The following CDS2 variants were observed in gnomAD, a reference collection of about 807,000 sequenced individuals.
CDS2 encodes the protein phosphatidate cytidylyltransferase 2.
CDS2 carries 47 observed loss-of-function variants against 59.0 expected under a neutral mutation model. The observed-to-expected ratio is 0.80, with a 90% CI of 0.63 to 1.02. The LOEUF is 1.02. Among genes scored for constraint, CDS2 ranks in the 50% least tolerant of loss-of-function variants. CDS2 has a pLI of 0.00. For synonymous variants in CDS2, 207 were observed against 206.4 expected, an observed-to-expected ratio of 1.00 and a Z score of -0.02; for missense variants, 356 against 558.9, an observed-to-expected ratio of 0.64 and a Z score of 3.66.
intron 1 of CDS2, among the ~76,000 whole-genome samples, chr20:5,160,651 A>G (rs190848443): frequency 6.6e-6 from 1 of 152,218 alleles, no homozygotes; most frequent in South Asian, 2.1e-4. Flanking sequence ...CACCAGAACA[A>G]ACATTCCAGA....
chr20:5,132,134 G>A (rs2090612669), intron 1 of CDS2, among the ~76,000 whole-genome samples: 1 of 150,034 alleles, frequency 6.7e-6, no homozygotes, highest in Non-Finnish European at 1.5e-5. Context: ...GTCTCGCTGT[G>A]CCACCCAGGC....
intron 5 of CDS2, among the ~76,000 whole-genome samples, chr20:5,179,960 CT>C (rs1274719349): frequency 3.3e-5 from 5 of 152,284 alleles, no homozygotes; most frequent in African/African-American, 1.2e-4. Flanking sequence ...GATAGCAATA[CT>C]TCTGTGAATG....
chr20:5,141,557 A>G (rs1350352329), intron 1 of CDS2, among the ~76,000 whole-genome samples: 1 of 152,070 alleles, frequency 6.6e-6, no homozygotes, highest in Non-Finnish European at 1.5e-5. Flanking sequence ...ATATCTCTTC[A>G]TCTGGCTGTA....
At chr20:5,189,470 G>T (rs114623022) in intron 11 of CDS2, among the ~76,000 whole-genome samples, 2 of 152,152 alleles carry the variant, frequency 1.3e-5, no homozygotes, top group South Asian at 4.1e-4. Context: ...AGGCCAAGGC[G>T]GGAGGATCAC....
chr20:5,188,107 A>G (rs960737545), intron 10 of CDS2, among the ~76,000 whole-genome samples: 1 of 151,958 alleles, frequency 6.6e-6, no homozygotes, highest in Non-Finnish European at 1.5e-5. Context: ...AAACACAAAC[A>G]TATTTGACAC....
At chr20:5,150,117 T>C (rs2090777038) in intron 1 of CDS2, among the ~76,000 whole-genome samples, 1 of 152,220 alleles carries the variant, frequency 6.6e-6, no homozygotes, top group Non-Finnish European at 1.5e-5. Context: ...TGGTATTTTC[T>C]TAAAGGATCT....
At chr20:5,164,046 TC>T (rs1873021565) in intron 1 of CDS2, among the ~76,000 whole-genome samples, 1 of 152,138 alleles carries the variant, frequency 6.6e-6, no homozygotes, top group South Asian at 2.1e-4. Flanking sequence ...CACCTTGGCC[TC>T]CTGAAGTGCT....
At chr20:5,132,610 A>T in intron 1 of CDS2, among the ~76,000 whole-genome samples, 1 of 152,136 alleles carries the variant, frequency 6.6e-6, no homozygotes, top group Non-Finnish European at 1.5e-5. Flanking sequence ...TTTCAAGAAA[A>T]TTTTTTTATG....
chr20:5,179,483 C>A (rs1427414517), intron 5 of CDS2, among the ~76,000 whole-genome samples: 1 of 152,204 alleles, frequency 6.6e-6, no homozygotes, highest in Admixed American at 6.5e-5. Context: ...GTGCCACCTG[C>A]CCCTGTGTTT....
chr20:5,135,430 G>T (rs80204602), intron 1 of CDS2, among the ~76,000 whole-genome samples: 10 of 151,484 alleles, frequency 6.6e-5, no homozygotes, highest in African/African-American at 2.2e-4. Context: ...AGGCTGTTGG[G>T]GGTGAAAAAG....
At chr20:5,152,210 T>C (rs1311084217) in intron 1 of CDS2, among the ~76,000 whole-genome samples, 1 of 152,146 alleles carries the variant, frequency 6.6e-6, no homozygotes, top group Non-Finnish European at 1.5e-5. Context: ...ATAAACTAAC[T>C]AGGAGTAGGG....
chr20:5,190,290 G>A lies in CDS2; in HGVS notation c.*56G>A, dbSNP rs2091104105. On this transcript the variant is annotated 3_prime_UTR_variant, in exon 13 of 13. Transcript: ENST00000460006. Reference sequence around the variant, plus strand: ...GAACTGAGCAGGGGCAGGTCTCCAAGGCAAGCCCAGCTGGTGTGACTTAGA... The same window carrying A: ...GAACTGAGCAGGGGCAGGTCTCCAAAGCAAGCCCAGCTGGTGTGACTTAGA... 6.5e-7 allele frequency: 1 copy of A among 1,540,996 alleles called. No homozygotes were observed. The highest frequency in any genetic ancestry group is 1.4e-5 in the African/African-American group (1 of 73,256).
rs1387595249 is a variant in CDS2 at position 5,190,753 on chromosome 20, A to AC, written c.*521dup. On this transcript the variant is annotated 3_prime_UTR_variant, in exon 13 of 13. Transcript: ENST00000460006. ...AGGTCGGAGGAATGGAGGCTTACTA[A>AC]CCAGGTAAGCCTTCTATGCATCCAC... is the stretch of plus-strand genomic sequence containing the variant. 1.3e-5 allele frequency: 2 copies of AC among 152,200 alleles called. No homozygotes were observed. Among genetic ancestry groups the AC allele is most frequent in the African/African-American group, 4.8e-5 (2 of 41,436 alleles). 9.4% of individuals were successfully genotyped at this position (152,200 alleles called of 1,614,324 possible).
Position 5,182,459 on chromosome 20 carries a change from A to C in CDS2, c.588+14A>C, listed in dbSNP as rs765874313. ...CAGTTCTACATGGTAAAGGAAATGCATGCGTGTGTGTCAGAATTCTTGATT... is the reference window on the plus strand; with the variant it reads ...CAGTTCTACATGGTAAAGGAAATGCCTGCGTGTGTGTCAGAATTCTTGATT... On this transcript the variant is annotated intron_variant, in intron 6 of 12. Coordinates refer to ENST00000460006, the MANE Select transcript of CDS2 (RefSeq NM_003818.4). 6.2e-7 allele frequency: 1 copy of C among 1,607,338 alleles called. No individual in the cohort carries two copies. Among genetic ancestry groups the C allele is most frequent in the East Asian group, 2.2e-5 (1 of 44,608 alleles).
chr20:5,197,020 C>T lies in CDS2; in HGVS notation c.*6786C>T, dbSNP rs1160880747. On this transcript the variant is annotated 3_prime_UTR_variant, in exon 13 of 13. Transcript: ENST00000460006. ...GAGGGCAGACTCTAACAGATGCCAG[C>T]TGAACGCTCGCTGGCCCTGGATGTC... The T allele has an allele frequency of 2.0e-5, 3 of 152,276 alleles. No individual in the cohort carries two copies. Among genetic ancestry groups the T allele is most frequent in the Admixed American group, 1.3e-4 (2 of 15,280 alleles). The allele number at this position is 152,276 out of a possible 1,614,324, so 9.4% of individuals were successfully genotyped here.
chr20:5,189,258 C>T (rs183609587), intron 11 of CDS2, 72 bp downstream of exon 11: 1 of 1,576,882 alleles, frequency 6.3e-7, no homozygotes, highest in Non-Finnish European at 8.7e-7. Context: ...CCCTTCCCTG[C>T]CCCCTCCAAA....
intron 1 of CDS2, among the ~76,000 whole-genome samples, chr20:5,167,250 CT>C (rs2090919808): frequency 6.6e-6 from 1 of 152,214 alleles, no homozygotes; most frequent in Non-Finnish European, 1.5e-5. Context: ...TGTCCTTTCT[CT>C]GAGTGCAGTT....
rs374365728 is a variant in CDS2 at position 5,163,995 on chromosome 20, C to T, written c.58-9528C>T. Among the ~76,000 whole-genome samples the T allele has an allele frequency of 2.4e-4, 36 of 151,534 alleles. No individual in the cohort carries two copies. The South Asian group carries it at 4.6e-3, about 19-fold the overall frequency. On this transcript the variant is annotated intron_variant, in intron 1 of 12. Transcript: ENST00000460006. The stretch of plus-strand genomic sequence containing the variant: ...TAGTAGAGACGGAGTTTCACCATGT[C>T]GGCCAGGCTGGTCTTGAACTCCTGA...
In CDS2 at chr20:5,127,067, G is replaced by A. The variant is rs1232493713; in HGVS notation, c.-26G>A. On this transcript the variant is annotated 5_prime_UTR_variant, in exon 1 of 13. Transcript: ENST00000460006. ...TCCGGCGGCTTCGCTGCTAGCTCGCGGCGACGTCGGGCCGATTTTCCCAGG... is the reference window on the plus strand; with the variant it reads ...TCCGGCGGCTTCGCTGCTAGCTCGCAGCGACGTCGGGCCGATTTTCCCAGG... 1.3e-6 allele frequency: 2 copies of A among 1,489,070 alleles called. No homozygotes were observed. The highest frequency in any genetic ancestry group is 1.3e-5 in the South Asian group (1 of 78,218). 92.2% of individuals were successfully genotyped at this position (1,489,070 alleles called of 1,614,324 possible). A position where few individuals can be genotyped will look rare whatever the true frequency, so the allele number is the denominator to read the frequency against.
Sources: allele counts gnomAD v4.1 joint callset (sites outside exome capture counted in the v4.1 genomes callset), GRCh38; gene constraint gnomAD v4.1.1; transcripts MANE v1.5; gene names NCBI Gene and HGNC (gene_info 2026-07-23, HGNC 2026-07-21).